Variants in OR1J2 observed in about 807,000 individuals in gnomAD.
The protein encoded by OR1J2 is olfactory receptor family 1 subfamily J member 2.
For missense variants in OR1J2, 304 were observed against 246.1 expected (o/e 1.24, Z -1.57); for synonymous variants, 142 against 99.7 (o/e 1.42, Z -2.52).
the OR1J2 span, among the ~76,000 whole-genome samples, chr9:122,572,478 G>A: frequency 1.3e-5 from 2 of 152,232 alleles, no homozygotes; most frequent in South Asian, 4.1e-4. Context: ...AAAGGAAGAA[G>A]GTTTAGGATA....
chr9:122,524,318 A>G, the OR1J2 span, among the ~76,000 whole-genome samples: 1 of 152,240 alleles, frequency 6.6e-6, no homozygotes, highest in East Asian at 1.9e-4. Context: ...TGTTTGCACA[A>G]TGACAAAATT....
At chr9:122,488,271 G>A in the OR1J2 span, among the ~76,000 whole-genome samples, 1 of 152,092 alleles carries the variant, frequency 6.6e-6, no homozygotes, top group African/African-American at 2.4e-5. Context: ...CCAAGTAACT[G>A]GAATTACAGG....
the OR1J2 span, among the ~76,000 whole-genome samples, chr9:122,447,965 C>G: frequency 6.6e-6 from 1 of 152,090 alleles, no homozygotes; most frequent in African/African-American, 2.4e-5. Context: ...GTGGGTATTT[C>G]TTGTCAGGTG....
the OR1J2 span, among the ~76,000 whole-genome samples, chr9:122,563,952 C>A: frequency 6.6e-6 from 1 of 152,172 alleles, no homozygotes; most frequent in Admixed American, 6.5e-5. Flanking sequence ...GTTGTCTATT[C>A]TGTTTCATTA....
the OR1J2 span, among the ~76,000 whole-genome samples, chr9:122,542,979 G>T: frequency 6.6e-6 from 1 of 152,134 alleles, no homozygotes; most frequent in Non-Finnish European, 1.5e-5. Context: ...GTATTCTATT[G>T]TATACCACAA....
the OR1J2 span, among the ~76,000 whole-genome samples, chr9:122,564,385 G>T: frequency 6.6e-6 from 1 of 152,164 alleles, no homozygotes; most frequent in South Asian, 2.1e-4. Flanking sequence ...CCCCACATTT[G>T]TTTCCTGACT....
chr9:122,540,489 A>ACCAGTACCATGCTGTTT, the OR1J2 span, among the ~76,000 whole-genome samples: 1 of 152,034 alleles, frequency 6.6e-6, no homozygotes, highest in Non-Finnish European at 1.5e-5. Flanking sequence ...CTGTTTTGGT[A>ACCAGTACCATGCTGTTT]CCAGTACCAT....
chr9:122,490,941 G>A, the OR1J2 span, among the ~76,000 whole-genome samples: 2 of 152,282 alleles, frequency 1.3e-5, no homozygotes, highest in Admixed American at 1.3e-4. Context: ...GGCAGAGCAG[G>A]CATGGGGTAG....
the OR1J2 span, among the ~76,000 whole-genome samples, chr9:122,502,216 A>T: frequency 2.0e-5 from 3 of 152,256 alleles, no homozygotes; most frequent in Non-Finnish European, 4.4e-5. Context: ...GGGAGTTCTC[A>T]GAGTCTGTGA....
At chr9:122,489,485 AGGGTCT>A in the OR1J2 span, among the ~76,000 whole-genome samples, 2 of 152,094 alleles carry the variant, frequency 1.3e-5, no homozygotes, top group South Asian at 4.1e-4. Context: ...CTTCGGTGCT[AGGGTCT>A]GGGACCCTAG....
the OR1J2 span, among the ~76,000 whole-genome samples, chr9:122,528,972 A>G: frequency 2.4e-3 from 373 of 152,292 alleles, 1 homozygote; most frequent in African/African-American, 8.4e-3. Context: ...CTTTGTCCTG[A>G]TTTATATTTA....
the OR1J2 span, among the ~76,000 whole-genome samples, chr9:122,520,732 G>A: frequency 1.1e-4 from 17 of 152,226 alleles, no homozygotes; most frequent in Non-Finnish European, 2.2e-4. Context: ...AGTCTTCACA[G>A]TCAGGAGCCT....
the OR1J2 span, among the ~76,000 whole-genome samples, chr9:122,461,814 T>G: frequency 6.6e-6 from 1 of 152,218 alleles, no homozygotes; most frequent in Non-Finnish European, 1.5e-5. Context: ...TTAAATCTAC[T>G]GAGACTTGTT....
the OR1J2 span, among the ~76,000 whole-genome samples, chr9:122,556,772 G>C: frequency 6.6e-6 from 1 of 152,108 alleles, no homozygotes; most frequent in Non-Finnish European, 1.5e-5. Context: ...TCTGCATTTT[G>C]TTGATATCCA....
chr9:122,527,378 CT>C, the OR1J2 span: 1 of 750,078 alleles, frequency 1.3e-6, no homozygotes, highest in African/African-American at 1.8e-5. Flanking sequence ...CCAAATCTCC[CT>C]TTAAGTTCAT....
At chr9:122,534,113 G>A in the OR1J2 span, among the ~76,000 whole-genome samples, 1 of 152,194 alleles carries the variant, frequency 6.6e-6, no homozygotes, top group Non-Finnish European at 1.5e-5. Flanking sequence ...TCCTGGGGGA[G>A]GCGGGCCTGG....
the OR1J2 span, chr9:122,553,565 G>A: frequency 6.2e-7 from 1 of 1,614,094 alleles, no homozygotes; most frequent in Non-Finnish European, 8.5e-7. Context: ...ACTGCCTGCT[G>A]GCTGTGATGG....
the OR1J2 span, among the ~76,000 whole-genome samples, chr9:122,520,467 C>T: frequency 3.3e-5 from 5 of 152,158 alleles, no homozygotes; most frequent in African/African-American, 1.2e-4. Flanking sequence ...TCTCTTCTCA[C>T]ATTTTTTATT....
the OR1J2 span, among the ~76,000 whole-genome samples, chr9:122,480,275 T>C: frequency 4.6e-5 from 7 of 152,092 alleles, no homozygotes; most frequent in Non-Finnish European, 7.4e-5. Context: ...GACCATGAGA[T>C]TGACAAAAGT....
Sources: gnomAD v4.1 joint callset for allele counts (sites outside exome capture counted in the v4.1 genomes callset) on GRCh38, gnomAD v4.1.1 for gene constraint, MANE v1.5 for transcripts, NCBI Gene and HGNC (gene_info 2026-07-23, HGNC 2026-07-21) for gene names.